CAB39: variants seen among roughly 807,000 people sequenced by gnomAD.
The protein encoded by CAB39 is calcium-binding protein 39.
In CAB39, 8 loss-of-function variants were observed where a neutral mutation model predicts 40.0. The observed-to-expected ratio is 0.20, with a 90% CI of 0.12 to 0.36. CAB39 has a LOEUF of 0.36. CAB39 is among the 10% of genes least tolerant of loss of function. The probability of loss-of-function intolerance (pLI) is 1.00; values close to 1 mark genes in which losing one functional copy is unlikely to be tolerated. For synonymous variants in CAB39, 156 were observed against 141.6 expected, an observed-to-expected ratio of 1.10 and a Z score of -0.72; for missense variants, 270 against 401.1, an observed-to-expected ratio of 0.67 and a Z score of 2.79.
At chr2:230,752,309 A>G (rs570915264) in intron 1 of CAB39, 1 of 152,252 alleles carries the variant, frequency 6.6e-6, no homozygotes, top group South Asian at 2.1e-4. Context: ...CAGATCTCAC[A>G]CAACATCTCT....
chr2:230,758,477 AATAAC>A (rs1695232594), intron 1 of CAB39, among the ~76,000 whole-genome samples: 1 of 152,196 alleles, frequency 6.6e-6, no homozygotes, highest in Non-Finnish European at 1.5e-5. Flanking sequence ...CATGTTGAGA[AATAAC>A]ATACTTGTTT....
At chr2:230,753,357 A>T (rs1695122620) in intron 1 of CAB39, among the ~76,000 whole-genome samples, 1 of 152,222 alleles carries the variant, frequency 6.6e-6, no homozygotes, top group Non-Finnish European at 1.5e-5. Context: ...CATAGCAGGT[A>T]CGGATTGCCA....
intron 7 of CAB39, among the ~76,000 whole-genome samples, chr2:230,815,239 G>C (rs541710944): frequency 2.0e-5 from 3 of 152,332 alleles, no homozygotes; most frequent in South Asian, 4.2e-4. Flanking sequence ...GCCACAGCTG[G>C]GGAACAGGCA....
chr2:230,754,720 T>C (rs890998173), intron 1 of CAB39, among the ~76,000 whole-genome samples: 6 of 152,150 alleles, frequency 3.9e-5, no homozygotes, highest in African/African-American at 1.2e-4. Context: ...GGTTTTGCCA[T>C]GTTGGCCAGG....
chr2:230,743,542 G>A (rs1217629934), intron 1 of CAB39, among the ~76,000 whole-genome samples: 1 of 152,122 alleles, frequency 6.6e-6, no homozygotes, highest in African/African-American at 2.4e-5. Flanking sequence ...TGAAAGTTTT[G>A]CCAAGCTACA....
At chr2:230,729,933 A>G (rs527317586) in intron 1 of CAB39, among the ~76,000 whole-genome samples, 2 of 152,254 alleles carry the variant, frequency 1.3e-5, no homozygotes, top group East Asian at 3.9e-4. Context: ...ATTTAAGTGA[A>G]AAAAGACTTA....
rs1284578410 is a variant in CAB39, at chr2:230,713,005, C to T, written c.-269C>T. 6.6e-6 allele frequency: 1 copy of T among 150,804 alleles called. No homozygotes were observed. Among genetic ancestry groups the T allele is most frequent in the Non-Finnish European group, 1.5e-5 (1 of 67,528 alleles). The allele number at this position is 150,804 out of a possible 1,614,324, so 9.3% of individuals were successfully genotyped here. On this transcript the variant is annotated 5_prime_UTR_variant, in exon 1 of 9. Transcript: ENST00000258418. ...GCAGCAGCCGCAGCCCAAGCGAGCG[C>T]AGCAGCGCGGCGGCAGCCGCGGGAG...
chr2:230,806,506 A>G (rs1236201068), intron 5 of CAB39, among the ~76,000 whole-genome samples: 1 of 152,198 alleles, frequency 6.6e-6, no homozygotes, highest in African/African-American at 2.4e-5. Flanking sequence ...CAAATAGATG[A>G]CTTTCAGAAG....
Position 230,805,138 on chromosome 2 carries a change from G to A in CAB39, c.568-5125G>A, listed in dbSNP as rs151243900. On this transcript the variant is annotated intron_variant, in intron 5 of 8. Coordinates refer to ENST00000258418, the MANE Select transcript of CAB39 (RefSeq NM_016289.4). ...TTGAAACCATCATTCTGAGCAAACT[G>A]TTGCAAGGACAGAAAACCAAACACC... is the stretch of plus-strand genomic sequence containing the variant. Among the ~76,000 whole-genome samples, 628 of 151,992 alleles carry A rather than the reference G, an allele frequency of 4.1e-3. 1 individual carries two copies. The highest frequency in any genetic ancestry group is 0.014 in the African/African-American group (577 of 41,430).
chr2:230,774,432 AG>A (rs1471934654), intron 2 of CAB39, among the ~76,000 whole-genome samples: 3 of 152,158 alleles, frequency 2.0e-5, no homozygotes, highest in African/African-American at 7.2e-5. Flanking sequence ...ATTTTAAAAA[AG>A]CGGTTAATGT....
chr2:230,729,831 G>A (rs929134310), intron 1 of CAB39, among the ~76,000 whole-genome samples: 1 of 151,784 alleles, frequency 6.6e-6, no homozygotes, highest in African/African-American at 2.4e-5. Flanking sequence ...AAAATCTTGA[G>A]CGAAAACCTC....
At chr2:230,806,554 C>G (rs950945642) in intron 5 of CAB39, among the ~76,000 whole-genome samples, 1 of 152,112 alleles carries the variant, frequency 6.6e-6, no homozygotes, top group Non-Finnish European at 1.5e-5. Context: ...CCCTGTCATT[C>G]GAGGAGTGGT....
At chr2:230,725,365 C>T (rs1428440393) in intron 1 of CAB39, 4 of 1,597,660 alleles carry the variant, frequency 2.5e-6, no homozygotes, top group African/African-American at 1.3e-5. Flanking sequence ...CCCCCATGGG[C>T]TCTGCCACGA....
At chr2:230,757,715 A>G (rs1054676667) in intron 1 of CAB39, among the ~76,000 whole-genome samples, 2 of 152,144 alleles carry the variant, frequency 1.3e-5, no homozygotes, top group Non-Finnish European at 2.9e-5. Flanking sequence ...CATCACTGCT[A>G]TTATTTGCAG....
chr2:230,763,871 CA>C (rs1695337306), intron 2 of CAB39, among the ~76,000 whole-genome samples: 1 of 152,066 alleles, frequency 6.6e-6, no homozygotes, highest in African/African-American at 2.4e-5. Context: ...CCTGTAATCC[CA>C]GCACTTTGGG....
intron 1 of CAB39, among the ~76,000 whole-genome samples, chr2:230,723,346 C>T (rs1339251335): frequency 6.6e-6 from 1 of 151,682 alleles, no homozygotes; most frequent in Non-Finnish European, 1.5e-5. Context: ...TTAAACACTT[C>T]ATTTTAATTT....
At position 230,819,823 on chromosome 2, in the gene CAB39, G is replaced by C. The variant is rs1364566410; in HGVS notation, c.*1119G>C. On this transcript the variant is annotated 3_prime_UTR_variant, in exon 9 of 9. Transcript: ENST00000258418. ...TAATGAATCTGCCAGATCTGTGAAT[G>C]ATAGAGATTATGCTAAATTAATGCT... 1.3e-5 allele frequency: 2 copies of C among 152,450 alleles called. No homozygotes were observed. The highest frequency in any genetic ancestry group is 2.9e-5 in the Non-Finnish European group (2 of 68,030). The allele number at this position is 152,450 out of a possible 1,614,324, so 9.4% of individuals were successfully genotyped here. A position where few individuals can be genotyped will look rare whatever the true frequency, so the allele number is the denominator to read the frequency against.
At chr2:230,754,773 C>T (rs1559599158) in intron 1 of CAB39, among the ~76,000 whole-genome samples, 1 of 152,188 alleles carries the variant, frequency 6.6e-6, no homozygotes, top group Non-Finnish European at 1.5e-5. Flanking sequence ...CCTGCCTTGG[C>T]CTCCCAAAAT....
intron 7 of CAB39, among the ~76,000 whole-genome samples, chr2:230,817,150 A>T (rs980874810): frequency 6.6e-6 from 1 of 152,198 alleles, no homozygotes; most frequent in African/African-American, 2.4e-5. Flanking sequence ...ATAATTAGTG[A>T]TGGTGAGGGG....
Sources: allele counts gnomAD v4.1 joint callset (sites outside exome capture counted in the v4.1 genomes callset), GRCh38; gene constraint gnomAD v4.1.1; transcripts MANE v1.5; gene names NCBI Gene and HGNC (gene_info 2026-07-23, HGNC 2026-07-21).